NFATC4: variants seen among roughly 807,000 people sequenced by gnomAD.
NFATC4 encodes nuclear factor of activated T cells 4.
NFATC4 carries 25 observed loss-of-function variants against 73.4 expected under a neutral mutation model. That is an observed-to-expected ratio of 0.34 (90% CI 0.25 to 0.48). The LOEUF (loss-of-function observed/expected upper bound fraction) is 0.48, where lower values mean the gene tolerates loss of function less well. Ranked by LOEUF, NFATC4 falls within the 20% of genes least tolerant of loss-of-function variation. The pLI is 0.99. For synonymous variants in NFATC4, 523 were observed against 510.3 expected, an observed-to-expected ratio of 1.02 and a Z score of -0.34; for missense variants, 1,130 against 1,203.7, an observed-to-expected ratio of 0.94 and a Z score of 0.91.
rs577279646 is a variant in NFATC4 at position 24,377,230 on chromosome 14, G to C, written c.2641+352G>C. On this transcript the variant is annotated intron_variant, in intron 9 of 9. Coordinates refer to ENST00000250373, the MANE Select transcript of NFATC4 (RefSeq NM_004554.5). This position sits in a 1 kb window ranked among gnomAD's most constrained non-coding sequence, Gnocchi z 4.2. The stretch of plus-strand genomic sequence containing the variant: ...CCAGAGAGGGATGGTAGCTTGCTGA[G>C]GTCCCAGTCAAGCACACTTGCCATT... The C allele has an allele frequency of 1.6e-6, 2 of 1,253,256 alleles. No homozygotes were observed. Among genetic ancestry groups the C allele is most frequent in the South Asian group, 6.3e-5 (2 of 31,930 alleles). 77.6% of individuals were successfully genotyped at this position (1,253,256 alleles called of 1,614,324 possible).
Position 24,373,603 on chromosome 14 carries a change from C to T in NFATC4, c.1560-92C>T, listed in dbSNP as rs373689521. On this transcript the variant is annotated intron_variant, in intron 4 of 9. Coordinates refer to ENST00000250373, the MANE Select transcript of NFATC4 (RefSeq NM_004554.5). This position sits in a 1 kb window ranked among gnomAD's most constrained non-coding sequence, Gnocchi z 4.7. ...GGCACTCATCGAAAGTCATTCAAGGCTTTGGATGGAGGGCGGGAACTTCCC... is the reference window on the plus strand; with the variant it reads ...GGCACTCATCGAAAGTCATTCAAGGTTTTGGATGGAGGGCGGGAACTTCCC... The T allele has an allele frequency of 1.8e-4, 279 of 1,530,016 alleles. 2 individuals are homozygous for T. The African/African-American group carries it at 3.3e-3, about 18-fold the overall frequency. The allele number at this position is 1,530,016 out of a possible 1,614,324, so 94.8% of individuals were successfully genotyped here.
In NFATC4 at chr14:24,373,156, C is replaced by A. The variant is rs370618738; in HGVS notation, c.1360-15C>A. The stretch of plus-strand genomic sequence containing the variant: ...TGGGGATTTCAATGAGGTGGCCGCT[C>A]TCTCCCTCTGCCAGCTCCTAGGCTA... On this transcript the variant is annotated splice_polypyrimidine_tract_variant and intron_variant, in intron 3 of 9. Coordinates refer to ENST00000250373, the MANE Select transcript of NFATC4 (RefSeq NM_004554.5). This position sits in a 1 kb window ranked among gnomAD's most constrained non-coding sequence, Gnocchi z 4.7. 6.2e-6 allele frequency: 10 copies of A among 1,612,374 alleles called. No individual in the cohort carries two copies. Among genetic ancestry groups the A allele is most frequent in the Non-Finnish European group, 8.5e-6 (10 of 1,178,702 alleles).
In NFATC4 at chr14:24,376,474, C is replaced by A. The variant is rs1441280957; in HGVS notation, c.2237C>A (p.Pro746His). The A allele has an allele frequency of 6.2e-7, 1 of 1,613,638 alleles. No individual in the cohort carries two copies. Among genetic ancestry groups the A allele is most frequent in the Admixed American group, 1.7e-5 (1 of 59,956 alleles). The change falls in exon 9 of 10, where the codon CCC (proline) becomes CAC (histidine). Residue 746 changes from proline (P) to histidine (H), a missense_variant. Around this residue, in one of 3 missense-constraint regions of NFATC4, gnomAD observed 390 missense variants for 408.1 expected, o/e 0.96. Coordinates refer to ENST00000250373, the MANE Select transcript of NFATC4 (RefSeq NM_004554.5). The surrounding 1 kb of genome is among the most constrained non-coding windows in gnomAD (Gnocchi z 5.0). ...TCAGAAGGCTTCGGCTATGGCATGC[C>A]CCCTCTGTACCCCCAGACGGGGCCC... is the stretch of plus-strand genomic sequence containing the variant. ...YLSEGFGYGM[P>H]PLYPQTGPPP...
chr14:24,367,318 GA>G, upstream of NFATC4: 1 of 1,544,788 alleles, frequency 6.5e-7, no homozygotes, highest in East Asian at 2.4e-5. Context: ...ACCTGGCAAG[GA>G]TTTTTAGAAG....
chr14:24,374,285 T>G, intron 5 of NFATC4, 41 bp from the exon 6 acceptor site: 8 of 1,573,804 alleles, frequency 5.1e-6, no homozygotes, highest in Non-Finnish European at 6.9e-6. Flanking sequence ...CACCCCTCCA[T>G]GCCCAGCCCA....
Position 24,370,525 on chromosome 14 carries a change from A to G in NFATC4, c.1127A>G (p.Asp376Gly). 1 of 1,614,078 alleles carries G rather than the reference A, an allele frequency of 6.2e-7. No individual in the cohort carries two copies. The highest frequency in any genetic ancestry group is 8.5e-7 in the Non-Finnish European group (1 of 1,179,974). The change falls in exon 2 of 10, where the codon GAC (aspartate) becomes GGC (glycine). Residue 376 changes from aspartate to glycine, a missense_variant. Around this residue, in one of 3 missense-constraint regions of NFATC4, gnomAD observed 585 missense variants for 574.3 expected, o/e 1.02. Transcript: ENST00000250373. Reference protein sequence around the residue: ...GGSRKEVAGMDYLAVPSPLAW... With the variant: ...GGSRKEVAGMGYLAVPSPLAW... ...TCCCGGAAGGAGGTGGCTGGCATGG[A>G]CTACCTGGCAGTGCCCTCCCCACTC...
intron 1 of NFATC4, chr14:24,369,039 T>A: frequency 3.1e-6 from 4 of 1,272,048 alleles, no homozygotes; most frequent in Admixed American, 3.5e-5. Context: ...AGGAGCCACC[T>A]CCCCTCGTCA....
Position 24,369,718 on chromosome 14 carries a change from G to A in NFATC4, c.320G>A (p.Gly107Asp), listed in dbSNP as rs2042414729. ...GPGGGAGGAG[G>D]GRVLECPSIR... ...GGAGGGGGTGCTGGGGGTGCTGGGG[G>A]TGGCCGTGTTCTCGAGTGTCCCAGC... Residue 107 changes from glycine to aspartate, a missense_variant, in exon 2 of 10, where the codon GGT becomes GAT. This residue lies in a region of NFATC4 where 585 missense variants were observed against 574.3 expected (regional missense o/e 1.02). Coordinates refer to ENST00000250373, the MANE Select transcript of NFATC4 (RefSeq NM_004554.5). 6.2e-7 allele frequency: 1 copy of A among 1,610,678 alleles called. No homozygotes were observed. Among genetic ancestry groups the A allele is most frequent in the African/African-American group, 1.3e-5 (1 of 74,966 alleles).
chr14:24,376,916 GC>G lies in NFATC4; in HGVS notation c.2641+39del. The stretch of plus-strand genomic sequence containing the variant: ...CTGGGGGCTGTGAGTGTGAGTGTGT[GC>G]AAGAGATTGCTCTGCATGTTTGCTG... On this transcript the variant is annotated intron_variant, in intron 9 of 9. Coordinates refer to ENST00000250373, the MANE Select transcript of NFATC4 (RefSeq NM_004554.5). This position sits in a 1 kb window ranked among gnomAD's most constrained non-coding sequence, Gnocchi z 5.0. 4 of 1,493,014 alleles carry G rather than the reference GC, an allele frequency of 2.7e-6. No individual in the cohort carries two copies. The highest frequency in any genetic ancestry group is 3.6e-6 in the Non-Finnish European group (4 of 1,123,510). The allele number at this position is 1,493,014 out of a possible 1,614,324, so 92.5% of individuals were successfully genotyped here.
At position 24,368,324 on chromosome 14, in the gene NFATC4, G is replaced by A. The variant is rs770411952; in HGVS notation, c.-17G>A. 71 of 1,395,494 alleles carry A rather than the reference G, an allele frequency of 5.1e-5. 2 individuals carry two copies. The highest frequency in any genetic ancestry group is 2.0e-5 in the Non-Finnish European group (21 of 1,076,690). The allele number at this position is 1,395,494 out of a possible 1,614,324, so 86.4% of individuals were successfully genotyped here. A position where few individuals can be genotyped will look rare whatever the true frequency, so the allele number is the denominator to read the frequency against. On this transcript the variant is annotated 5_prime_UTR_variant, in exon 1 of 10. Transcript: ENST00000250373. ...CCCTCCCACCCAGGCCGGGACCTGG[G>A]GGCTCCTGCCGGATCCATGGGGGCG... is the stretch of plus-strand genomic sequence containing the variant.
chr14:24,370,072 G>A lies in NFATC4; in HGVS notation c.674G>A (p.Trp225Ter), dbSNP rs1378329756. 6.2e-7 allele frequency: 1 copy of A among 1,605,974 alleles called. No individual in the cohort carries two copies. Among genetic ancestry groups the A allele is most frequent in the Non-Finnish European group, 8.5e-7 (1 of 1,179,820 alleles). Residue 225 changes from tryptophan (W) to a stop codon, truncating the protein, a stop_gained, in exon 2 of 10, where the codon TGG becomes TAG. Transcript: ENST00000250373. LOFTEE classifies it high-confidence loss of function. Reference sequence around the variant, plus strand: ...TCGCCCCGGGCCTCCCCTCGGCCATGGACCCCCGAAGATCCCTGGAGCCTG... The same window carrying A: ...TCGCCCCGGGCCTCCCCTCGGCCATAGACCCCCGAAGATCCCTGGAGCCTG... Reference protein sequence around the residue: ...LPSPRASPRPWTPEDPWSLYG... With the variant: ...LPSPRASPRP
At position 24,376,406 on chromosome 14, in the gene NFATC4, C is replaced by T. The variant is rs373388520; in HGVS notation, c.2169C>T (p.Pro723=). The change falls in exon 9 of 10, where the codon CCC becomes CCT. Residue 723 remains proline, a synonymous_variant. Coordinates refer to ENST00000250373, the MANE Select transcript of NFATC4 (RefSeq NM_004554.5). The surrounding 1 kb of genome is among the most constrained non-coding windows in gnomAD (Gnocchi z 5.0). ...TCTCACCACCCAGGCCCCCCTACCC[C>T]TCCTATCCCCATGAAGACCCTGCTT... ...MDFSPPRPPY[P]SYPHEDPACE... 12 of 1,613,586 alleles carry T rather than the reference C, an allele frequency of 7.4e-6. No individual in the cohort carries two copies. The highest frequency in any genetic ancestry group is 2.7e-5 in the African/African-American group (2 of 74,848).
At chr14:24,366,954 GGGATGGGGCGGCGTT>G (rs2042325863), upstream of NFATC4, 3 of 1,557,188 alleles carry the variant, frequency 1.9e-6, no homozygotes, top group South Asian at 2.4e-5. Flanking sequence ...TTTAGTTGCT[GGGATGGGGCGGCGTT>G]GGGGGTGCGG....
chr14:24,373,032 C>T lies in NFATC4; in HGVS notation c.1360-139C>T. The T allele has an allele frequency of 1.2e-6, 1 of 854,098 alleles. No individual in the cohort carries two copies. Among genetic ancestry groups the T allele is most frequent in the Non-Finnish European group, 1.8e-6 (1 of 562,826 alleles). The allele number at this position is 854,098 out of a possible 1,614,324, so 52.9% of individuals were successfully genotyped here. On this transcript the variant is annotated intron_variant, in intron 3 of 9. Coordinates refer to ENST00000250373, the MANE Select transcript of NFATC4 (RefSeq NM_004554.5). This position sits in a 1 kb window ranked among gnomAD's most constrained non-coding sequence, Gnocchi z 4.7. ...CCATGTTTTCTCCACAACGGGTGCC[C>T]AGTTCCCCAAGGGATTCCCTTGCAG...
rs1338007416 is a variant in NFATC4, at chr14:24,378,478, A to G, written c.*773A>G. ...AAGGGGCTTGCCTGAGGTCACGTAG[A>G]TAATCAGCAGCACATTGAACGCTGC... On this transcript the variant is annotated 3_prime_UTR_variant, in exon 10 of 10. Transcript: ENST00000250373. 2 of 152,780 alleles carry G rather than the reference A, an allele frequency of 1.3e-5. No individual in the cohort carries two copies. The highest frequency in any genetic ancestry group is 4.8e-5 in the African/African-American group (2 of 41,434). The allele number at this position is 152,780 out of a possible 1,614,324, so 9.5% of individuals were successfully genotyped here.
upstream of NFATC4, chr14:24,367,609 C>T: frequency 1.3e-6 from 2 of 1,536,036 alleles, no homozygotes; most frequent in Non-Finnish European, 8.7e-7. Context: ...GGCGCTGATT[C>T]GGCAGCGCAA....
Position 24,369,837 on chromosome 14 carries a change from C to A in NFATC4, c.439C>A (p.Pro147Thr), listed in dbSNP as rs778656702. The A allele has an allele frequency of 6.2e-6, 10 of 1,605,562 alleles. No homozygotes were observed. The highest frequency in any genetic ancestry group is 8.5e-6 in the Non-Finnish European group (10 of 1,176,362). ...AWGDGSPRDY[P>T]PPEGFGGYRE... ...GGGGGACGGCTCTCCTAGAGATTAC[C>A]CCCCACCAGAAGGCTTTGGGGGCTA... The change falls in exon 2 of 10, where the codon CCC (proline) becomes ACC (threonine). Residue 147 changes from proline (P) to threonine (T), a missense_variant. By Grantham distance (38) the Pro-to-Thr change is conservative. Transcript: ENST00000250373.
Position 24,369,607 on chromosome 14 carries a change from G to A in NFATC4, c.209G>A (p.Gly70Asp), listed in dbSNP as rs146302703. Residue 70 changes from glycine (G) to aspartate (D), a missense_variant, in exon 2 of 10, where the codon GGC (glycine) becomes GAC (aspartate). Coordinates refer to ENST00000250373, the MANE Select transcript of NFATC4 (RefSeq NM_004554.5). ...CCCCGACCTCCACCCCCTCGGCCTG[G>A]CATGCATTCGCCACCGCCGCGACCA... Reference protein sequence around the residue: ...GIPRPPPPRPGMHSPPPRPAP... With the variant: ...GIPRPPPPRPDMHSPPPRPAP... 6.2e-7 allele frequency: 1 copy of A among 1,613,252 alleles called. No individual in the cohort carries two copies. The highest frequency in any genetic ancestry group is 8.5e-7 in the Non-Finnish European group (1 of 1,179,918).
Position 24,377,683 on chromosome 14 carries a change from C to T in NFATC4, c.2687C>T (p.Pro896Leu). The T allele has an allele frequency of 6.2e-7, 1 of 1,614,218 alleles. No individual in the cohort carries two copies. The change falls in exon 10 of 10, where the codon CCT becomes CTT. Residue 896 changes from proline (P) to leucine (L), a missense_variant. Transcript: ENST00000250373. The surrounding 1 kb of genome is among the most constrained non-coding windows in gnomAD (Gnocchi z 4.2). ...GACCTGAGTGGCTTCCCTGCACCTCCTGGAGAAGAGCCTCCTGCCTGAACC... is the reference window on the plus strand; with the variant it reads ...GACCTGAGTGGCTTCCCTGCACCTCTTGGAGAAGAGCCTCCTGCCTGAACC... ...GRDLSGFPAP[P>L]GEEPPA
Sources: allele counts gnomAD v4.1 joint callset, GRCh38; gene constraint gnomAD v4.1.1; regional missense constraint gnomAD v4.1.1; non-coding constraint Gnocchi (gnomAD v3.1); transcripts MANE v1.5; gene names NCBI Gene and HGNC (gene_info 2026-07-23, HGNC 2026-07-21).